The following NOX4 variants were observed in gnomAD, a reference collection of about 807,000 sequenced individuals.
NOX4 encodes the protein NADPH oxidase 4.
NOX4 carries 69 observed loss-of-function variants against 87.6 expected under a neutral mutation model. The ratio of observed to expected loss-of-function variants is 0.79; its 90% confidence interval spans 0.65 to 0.96. NOX4 has a LOEUF of 0.96. Ranked by LOEUF, NOX4 falls within the 40% of genes least tolerant of loss-of-function variation. NOX4 has a pLI of 0.00. For missense variants in NOX4, 680 were observed against 681.5 expected (o/e 1.00, Z 0.02); for synonymous variants, 275 against 238.2 (o/e 1.15, Z -1.42).
At chr11:89,517,844 C>A in the NOX4 span, among the ~76,000 whole-genome samples, 1 of 151,862 alleles carries the variant, frequency 6.6e-6, no homozygotes, top group South Asian at 2.1e-4. Context: ...AAGGCCAGCA[C>A]CCAGTGTGTA....
chr11:89,491,083 A>C, intron 1 of NOX4, 107 bp downstream of exon 1: 2 of 1,120,042 alleles, frequency 1.8e-6, no homozygotes, highest in East Asian at 5.0e-5. Context: ...TGTTCGAATT[A>C]AGACAAAACT....
chr11:89,388,104 A>G (rs1462208894), intron 11 of NOX4, among the ~76,000 whole-genome samples: 1 of 152,240 alleles, frequency 6.6e-6, no homozygotes, highest in Non-Finnish European at 1.5e-5. Context: ...AAGTTCAATT[A>G]GTATAGATAA....
chr11:89,446,952 G>C (rs974070765), intron 4 of NOX4, among the ~76,000 whole-genome samples: 1 of 152,040 alleles, frequency 6.6e-6, no homozygotes, highest in Non-Finnish European at 1.5e-5. Flanking sequence ...GTTGATAATG[G>C]GGGAGGCTAT....
In NOX4 at chr11:89,342,088, T is replaced by C; in HGVS notation, c.1323A>G (p.Ile441Met). The change falls in exon 14 of 18, where the codon ATA becomes ATG. Residue 441 changes from isoleucine to methionine, a missense_variant. By Grantham distance (10) the Ile-to-Met change is conservative. Transcript: ENST00000263317. ...GGIGVTPFAS[I>M]LNTLLDDWKP... ...AAATGACATACAACAGGGTGTTGAG[T>C]ATTGATGCAAATGGAGTTACTCCAA... The C allele has an allele frequency of 6.2e-7, 1 of 1,612,978 alleles. No individual in the cohort carries two copies. The highest frequency in any genetic ancestry group is 8.5e-7 in the Non-Finnish European group (1 of 1,179,206).
chr11:89,400,411 A>G (rs1209247975), intron 9 of NOX4, 32 bp from the exon 10 acceptor site: 3 of 1,508,402 alleles, frequency 2.0e-6, no homozygotes, highest in Non-Finnish European at 2.7e-6. Context: ...ATACTTCAAG[A>G]AATACTCATA....
intron 6 of NOX4, among the ~76,000 whole-genome samples, chr11:89,437,868 GCACATCCTCT>G (rs1426400439): frequency 6.6e-6 from 1 of 151,984 alleles, no homozygotes; most frequent in African/African-American, 2.4e-5. Flanking sequence ...CATAACATGT[GCACATCCTCT>G]CACATACTTT....
intron 13 of NOX4, among the ~76,000 whole-genome samples, chr11:89,349,842 A>G (rs1946381798): frequency 6.6e-6 from 1 of 152,188 alleles, no homozygotes; most frequent in African/African-American, 2.4e-5. Flanking sequence ...TAATTTGTGG[A>G]TAAAATTATA....
At chr11:89,555,812 T>C in the NOX4 span, among the ~76,000 whole-genome samples, 3 of 152,170 alleles carry the variant, frequency 2.0e-5, no homozygotes, top group African/African-American at 7.2e-5. Context: ...ATGTATTATA[T>C]GATATTTAAT....
chr11:89,484,652 AAAGTT>A (rs1345391838), intron 2 of NOX4, among the ~76,000 whole-genome samples: 6 of 152,102 alleles, frequency 3.9e-5, no homozygotes, highest in African/African-American at 1.4e-4. Flanking sequence ...CGGAAAATGA[AAAGTT>A]AAGTAAAGAT....
intron 12 of NOX4, 112 bp downstream of exon 12, chr11:89,373,320 T>C (rs532995997): frequency 3.0e-5 from 15 of 491,884 alleles, no homozygotes; most frequent in Non-Finnish European, 4.4e-5. Flanking sequence ...CCAGAACAGC[T>C]TGAAACACAT....
intron 10 of NOX4, 57 bp downstream of exon 10, chr11:89,400,158 T>A (rs1941742602): frequency 6.3e-7 from 1 of 1,585,862 alleles, no homozygotes; most frequent in African/African-American, 1.4e-5. Context: ...GTTTGCTAAA[T>A]TCCAAAAATT....
the NOX4 span, among the ~76,000 whole-genome samples, chr11:89,547,497 C>T: frequency 6.6e-6 from 1 of 151,982 alleles, no homozygotes; most frequent in Non-Finnish European, 1.5e-5. Flanking sequence ...AAGTGTAGTC[C>T]CTGAAACTAC....
intron 12 of NOX4, among the ~76,000 whole-genome samples, chr11:89,357,453 T>C (rs1938156583): frequency 6.6e-6 from 1 of 152,174 alleles, no homozygotes; most frequent in African/African-American, 2.4e-5. Flanking sequence ...ATCAAATGAC[T>C]AGTAAACTTT....
At chr11:89,442,315 G>A (rs1216840227) in intron 5 of NOX4, among the ~76,000 whole-genome samples, 1 of 151,742 alleles carries the variant, frequency 6.6e-6, no homozygotes, top group African/African-American at 2.4e-5. Context: ...GTGAAAACAG[G>A]AGAAGACTTT....
chr11:89,358,597 TAAC>T (rs1938270550), intron 12 of NOX4, among the ~76,000 whole-genome samples: 1 of 151,646 alleles, frequency 6.6e-6, no homozygotes, highest in African/African-American at 2.4e-5. Context: ...AGATAAATGA[TAAC>T]AATTATCCTT....
upstream of NOX4, among the ~76,000 whole-genome samples, chr11:89,500,945 A>G (rs1424787908): frequency 6.6e-6 from 1 of 152,128 alleles, no homozygotes; most frequent in South Asian, 2.1e-4. Context: ...AATACATGAC[A>G]TTAGTTTAGC....
At chr11:89,559,112 T>C in the NOX4 span, among the ~76,000 whole-genome samples, 21 of 152,072 alleles carry the variant, frequency 1.4e-4, no homozygotes, top group Non-Finnish European at 1.3e-4. Flanking sequence ...ATTTATTAAG[T>C]GCCTGTCATA....
intron 14 of NOX4, 25 bp from the exon 15 acceptor site, chr11:89,340,196 G>A: frequency 1.4e-6 from 2 of 1,430,320 alleles, no homozygotes; most frequent in Admixed American, 1.8e-5. Context: ...TAACATGATA[G>A]TGATTAGGAT....
chr11:89,326,011 T>G lies in NOX4; in HGVS notation c.*745A>C, dbSNP rs1190427207. The G allele has an allele frequency of 6.7e-6, 1 of 150,170 alleles. No homozygotes were observed. The highest frequency in any genetic ancestry group is 6.7e-5 in the Admixed American group (1 of 14,966). The allele number at this position is 150,170 out of a possible 1,614,324, so 9.3% of individuals were successfully genotyped here. ...TAGGAATATTTTCATTACCATGCAA[T>G]AGTGATAGATTTAAATGAAGATGAA... On this transcript the variant is annotated 3_prime_UTR_variant, in exon 18 of 18. Transcript: ENST00000263317.
Sources: gnomAD v4.1 joint callset for allele counts (sites outside exome capture counted in the v4.1 genomes callset) on GRCh38, gnomAD v4.1.1 for gene constraint, MANE v1.5 for transcripts, NCBI Gene and HGNC (gene_info 2026-07-23, HGNC 2026-07-21) for gene names.